CRYBB2: variants seen among roughly 807,000 people sequenced by gnomAD.
CRYBB2 encodes the protein crystallin beta B2.
A neutral mutation model predicts 24.3 loss-of-function variants in CRYBB2; 12 were observed. The ratio of observed to expected loss-of-function variants is 0.49; its 90% CI spans 0.32 to 0.80. The LOEUF (loss-of-function observed/expected upper bound fraction) is 0.80. Ranked by LOEUF, CRYBB2 falls within the 30% of genes least tolerant of loss-of-function variation. The pLI, the probability that CRYBB2 is intolerant of heterozygous loss-of-function variation, is 0.04. For missense variants in CRYBB2, 198 were observed against 268.5 expected (o/e 0.74, Z 1.83); for synonymous variants, 98 against 101.6 (o/e 0.96, Z 0.21).
chr22:25,230,119 G>T (rs1358214670), intron 5 of CRYBB2, among the ~76,000 whole-genome samples: 4 of 151,834 alleles, frequency 2.6e-5, no homozygotes, highest in Admixed American at 1.3e-4. Flanking sequence ...TTGGGCAGCG[G>T]TGTGCTGGAA....
At chr22:25,218,114 C>T (rs890482318), upstream of CRYBB2, among the ~76,000 whole-genome samples, 8 of 150,828 alleles carry the variant, frequency 5.3e-5, no homozygotes, top group African/African-American at 1.7e-4. Context: ...AAAAAATTAG[C>T]CGGGCGTGTT....
rs1419658493 is a variant in CRYBB2 at position 25,229,579 on chromosome 22, G to A, written c.449+1G>A. 3.7e-6 allele frequency: 6 copies of A among 1,614,132 alleles called. No individual in the cohort carries two copies. In the South Asian group the frequency reaches 4.4e-5, roughly 12 times the overall value. ...CATCTGTGCGGGTGCAGAGTGGCAC[G>A]TAAGTGCGTTGCCAGCCCTGGCTCA... is the stretch of plus-strand genomic sequence containing the variant. On this transcript the variant is annotated splice_donor_variant, in intron 5 of 5. Coordinates refer to ENST00000398215, the MANE Select transcript of CRYBB2 (RefSeq NM_000496.3). LOFTEE classifies it high-confidence loss of function.
Position 25,227,931 on chromosome 22 carries a change from A to C in CRYBB2, c.252A>C (p.Ser84=). 6.2e-7 allele frequency: 1 copy of C among 1,614,170 alleles called. No homozygotes were observed. Among genetic ancestry groups the C allele is most frequent in the Non-Finnish European group, 8.5e-7 (1 of 1,180,038 alleles). The change falls in exon 4 of 6, where the codon TCA becomes TCC. Residue 84 remains serine, a synonymous_variant. Coordinates refer to ENST00000398215, the MANE Select transcript of CRYBB2 (RefSeq NM_000496.3). The part of the protein sequence containing the change: ...FEKGEYPRWD[S]WTSSRRTDSL... Reference sequence around the variant, plus strand: ...AGGGTGAGTACCCCCGCTGGGACTCATGGACCAGCAGCCGAAGGACGGACT... The same window carrying C: ...AGGGTGAGTACCCCCGCTGGGACTCCTGGACCAGCAGCCGAAGGACGGACT...
intron 2 of CRYBB2, among the ~76,000 whole-genome samples, 167 bp from the exon 3 acceptor site, chr22:25,224,751 C>A (rs569976663): frequency 6.1e-4 from 93 of 152,282 alleles, no homozygotes; most frequent in African/African-American, 2.2e-3. Flanking sequence ...GGTCCCACGG[C>A]TGCTTATAGC....
chr22:25,217,222 G>A (rs1435754531), upstream of CRYBB2, among the ~76,000 whole-genome samples: 1 of 151,494 alleles, frequency 6.6e-6, no homozygotes, highest in Non-Finnish European at 1.5e-5. Context: ...TTCCGTAGTG[G>A]CAACACCATT....
chr22:25,217,231 T>G (rs891150876), upstream of CRYBB2, among the ~76,000 whole-genome samples: 1 of 152,098 alleles, frequency 6.6e-6, no homozygotes, highest in Non-Finnish European at 1.5e-5. Flanking sequence ...GGCAACACCA[T>G]TTTACATTCC....
At chr22:25,225,936 C>T (rs1273529341) in intron 3 of CRYBB2, among the ~76,000 whole-genome samples, 1 of 152,188 alleles carries the variant, frequency 6.6e-6, no homozygotes, top group Non-Finnish European at 1.5e-5. Flanking sequence ...ACCGTTTAAG[C>T]ACCACATCTG....
At chr22:25,229,309 G>A (rs1040350650) in intron 4 of CRYBB2, 127 bp from the exon 5 acceptor site, 25 of 1,498,178 alleles carry the variant, frequency 1.7e-5, no homozygotes, top group Non-Finnish European at 2.3e-5. Flanking sequence ...GACACGTAGT[G>A]GGTGCACTGG....
chr22:25,212,852 AC>A (rs1935122930), intron 1 of CRYBB2: 1 of 152,172 alleles, frequency 6.6e-6, no homozygotes, highest in African/African-American at 2.4e-5. Context: ...TGAGAACTTT[AC>A]CAAGCATTCT....
chr22:25,224,852 C>T (rs577004550), intron 2 of CRYBB2, 66 bp from the exon 3 acceptor site: 15 of 891,006 alleles, frequency 1.7e-5, no homozygotes, highest in South Asian at 7.8e-5. Context: ...TCCCTCCCCA[C>T]GTCTACCACC....
At chr22:25,222,327 C>T (rs1293738235) in intron 2 of CRYBB2, among the ~76,000 whole-genome samples, 1 of 152,184 alleles carries the variant, frequency 6.6e-6, no homozygotes, top group East Asian at 1.9e-4. Context: ...TATATGATTT[C>T]CAGTAGTGAG....
intron 3 of CRYBB2, among the ~76,000 whole-genome samples, chr22:25,227,184 C>T (rs1013597615): frequency 2.0e-4 from 30 of 152,192 alleles, no homozygotes; most frequent in Non-Finnish European, 3.2e-4. Flanking sequence ...GTGCCTTCTT[C>T]CTTCTATTTT....
chr22:25,220,143 C>T (rs1160974053), intron 1 of CRYBB2, among the ~76,000 whole-genome samples: 1 of 152,158 alleles, frequency 6.6e-6, no homozygotes, highest in Non-Finnish European at 1.5e-5. Flanking sequence ...GTCCCAGCAA[C>T]AGGTGATTTC....
intron 5 of CRYBB2, among the ~76,000 whole-genome samples, chr22:25,230,747 C>T (rs1935517218): frequency 1.3e-5 from 2 of 149,306 alleles, no homozygotes. Context: ...GTGTTAGGTG[C>T]CCAGGGTGAA....
chr22:25,218,778 A>G (rs1340379864), upstream of CRYBB2, among the ~76,000 whole-genome samples: 1 of 23,700 alleles, frequency 4.2e-5, no homozygotes, highest in East Asian at 1.4e-3. Context: ...AGAGAGAGAG[A>G]GAAGAAAGAA....
At chr22:25,218,704 G>GA (rs1491011664), upstream of CRYBB2, among the ~76,000 whole-genome samples, 8 of 33,144 alleles carry the variant, frequency 2.4e-4, 2 homozygotes, top group African/African-American at 7.7e-4. Context: ...GAGAGAGAGA[G>GA]GGGGAGAGAG....
chr22:25,213,357 A>G (rs920466164), intron 1 of CRYBB2: 3 of 152,126 alleles, frequency 2.0e-5, no homozygotes, highest in Admixed American at 6.6e-5. Flanking sequence ...GTGGAGAGGA[A>G]GGTTTGAGTC....
intron 3 of CRYBB2, among the ~76,000 whole-genome samples, chr22:25,226,972 C>G (rs2146091567): frequency 6.6e-6 from 1 of 152,344 alleles, no homozygotes; most frequent in Admixed American, 6.5e-5. Context: ...CAGCGCCCAG[C>G]CCCTTGACAA....
upstream of CRYBB2, among the ~76,000 whole-genome samples, chr22:25,218,790 G>GAA (rs1239163199): frequency 0.012 from 1,038 of 84,938 alleles, 77 homozygotes; most frequent in African/African-American, 0.034. Flanking sequence ...AAGAAAGAAA[G>GAA]AAAGAAAGAA....
Sources: gnomAD v4.1 joint callset for allele counts (sites outside exome capture counted in the v4.1 genomes callset) on GRCh38, gnomAD v4.1.1 for gene constraint, MANE v1.5 for transcripts, NCBI Gene and HGNC (gene_info 2026-07-23, HGNC 2026-07-21) for gene names.